Variants in ZNF676 observed in about 807,000 individuals in gnomAD.
ZNF676 encodes the protein zinc finger protein 676.
Under a neutral mutation model 6.0 loss-of-function variants are expected in ZNF676, and 4 were observed. That is an observed-to-expected ratio of 0.67 (90% CI 0.33 to 1.53). The LOEUF is 1.53. Ranked by LOEUF, ZNF676 falls within the 40% of genes most tolerant of loss-of-function variation. The pLI, the probability that ZNF676 is intolerant of heterozygous loss-of-function variation, is 0.06. For synonymous variants in ZNF676, 198 were observed against 223.1 expected, an observed-to-expected ratio of 0.89 and a Z score of 1.00; for missense variants, 644 against 679.7, an observed-to-expected ratio of 0.95 and a Z score of 0.58.
the ZNF676 span, among the ~76,000 whole-genome samples, chr19:22,256,314 A>G: frequency 1.3e-5 from 2 of 152,068 alleles, no homozygotes; most frequent in Non-Finnish European, 2.9e-5. Context: ...AGATTTGTAC[A>G]ATATTCCCCG....
At chr19:22,209,334 A>C (rs1289656081) in intron 1 of ZNF676, among the ~76,000 whole-genome samples, 1 of 152,286 alleles carries the variant, frequency 6.6e-6, no homozygotes, top group African/African-American at 2.4e-5. Flanking sequence ...CATTAAAAAA[A>C]AAAAAAAGAG....
chr19:22,245,030 T>C, the ZNF676 span: 1 of 152,186 alleles, frequency 6.6e-6, no homozygotes, highest in African/African-American at 2.4e-5. Context: ...GCAGGGCTCA[T>C]GAAAAGAGAG....
chr19:22,250,945 C>T, the ZNF676 span, among the ~76,000 whole-genome samples: 1 of 152,098 alleles, frequency 6.6e-6, no homozygotes, highest in South Asian at 2.1e-4. Flanking sequence ...CTTCTGACCT[C>T]AGGTGATCCA....
At chr19:22,242,845 G>T in the ZNF676 span, among the ~76,000 whole-genome samples, 127 of 124,788 alleles carry the variant, frequency 1.0e-3, no homozygotes, top group Non-Finnish European at 9.0e-4. Flanking sequence ...ACCCAAGTTG[G>T]GGGGGGGCTC....
chr19:22,213,981 T>A (rs1000187492), intron 1 of ZNF676, among the ~76,000 whole-genome samples: 6 of 152,178 alleles, frequency 3.9e-5, no homozygotes, highest in Admixed American at 1.3e-4. Context: ...AAAAAAACAT[T>A]TACAAACAGA....
intron 1 of ZNF676, among the ~76,000 whole-genome samples, chr19:22,211,643 G>A (rs2144823388): frequency 6.6e-6 from 1 of 152,138 alleles, no homozygotes; most frequent in Admixed American, 6.5e-5. Flanking sequence ...GAGGTACCTA[G>A]TTTCATCACA....
chr19:22,208,441 A>G (rs2024097387), intron 1 of ZNF676, among the ~76,000 whole-genome samples: 1 of 152,216 alleles, frequency 6.6e-6, no homozygotes, highest in Admixed American at 6.5e-5. Context: ...TTATAATTCA[A>G]CCATTGTGAA....
At chr19:22,181,692 A>T in intron 2 of ZNF676, 106 bp from the exon 3 acceptor site, 1 of 836,202 alleles carries the variant, frequency 1.2e-6, no homozygotes, top group Non-Finnish European at 1.8e-6. Flanking sequence ...GCAAGACGAC[A>T]TTGCAATATG....
At chr19:22,209,318 T>G (rs1419804399) in intron 1 of ZNF676, among the ~76,000 whole-genome samples, 2 of 147,896 alleles carry the variant, frequency 1.4e-5, no homozygotes, top group Non-Finnish European at 3.0e-5. Flanking sequence ...TGAAATACTG[T>G]GTGGCCATTA....
At chr19:22,233,651 G>A in the ZNF676 span, among the ~76,000 whole-genome samples, 1 of 152,234 alleles carries the variant, frequency 6.6e-6, no homozygotes, top group Non-Finnish European at 1.5e-5. Context: ...TCTCTCTGCT[G>A]CTGTAACATT....
At chr19:22,240,337 A>G in the ZNF676 span, among the ~76,000 whole-genome samples, 2 of 151,894 alleles carry the variant, frequency 1.3e-5, no homozygotes, top group African/African-American at 4.9e-5. Context: ...ATATGTCTCA[A>G]TGTCTTCCAT....
At position 22,181,518 on chromosome 19, in the gene ZNF676, T is replaced by A; in HGVS notation, c.199A>T (p.Ile67Leu). The change falls in exon 3 of 3, where the codon ATA becomes TTA. Residue 67 changes from isoleucine to leucine, a missense_variant. By Grantham distance (5) the Ile-to-Leu change is conservative. Coordinates refer to ENST00000397121, the MANE Select transcript of ZNF676 (RefSeq NM_001001411.3). Reference protein sequence around the residue: ...QGIEDSFQKMILRRYDKCGHE... With the variant: ...QGIEDSFQKMLLRRYDKCGHE... ...CCACATTTGTCATATCTTCTCAATA[T>A]CATTTTTTGGAAAGAATCTTCTATG... 6.2e-7 allele frequency: 1 copy of A among 1,611,624 alleles called. No individual in the cohort carries two copies. The highest frequency in any genetic ancestry group is 8.5e-7 in the Non-Finnish European group (1 of 1,179,066).
chr19:22,208,300 ATGTT>A (rs1289012632), intron 1 of ZNF676, among the ~76,000 whole-genome samples: 1 of 151,750 alleles, frequency 6.6e-6, no homozygotes, highest in African/African-American at 2.4e-5. Context: ...CATGAAAAAG[ATGTT>A]TGTCTTCAAA....
intron 1 of ZNF676, among the ~76,000 whole-genome samples, chr19:22,205,833 G>T (rs974634263): frequency 3.3e-5 from 5 of 151,942 alleles, no homozygotes; most frequent in African/African-American, 1.2e-4. Context: ...AGGAGATTTA[G>T]ACATGAAAAA....
chr19:22,255,526 C>A, the ZNF676 span, among the ~76,000 whole-genome samples: 1 of 152,152 alleles, frequency 6.6e-6, no homozygotes, highest in Non-Finnish European at 1.5e-5. Context: ...GGAGAGCCCT[C>A]ACTTTCCTAT....
the ZNF676 span, among the ~76,000 whole-genome samples, chr19:22,258,879 C>A: frequency 6.6e-6 from 1 of 152,222 alleles, no homozygotes; most frequent in Admixed American, 6.5e-5. Flanking sequence ...ACAATCACAG[C>A]TGCAGGGTGG....
chr19:22,243,176 T>C, the ZNF676 span: 1 of 151,920 alleles, frequency 6.6e-6, no homozygotes, highest in East Asian at 1.9e-4. Context: ...AAATAGTTGA[T>C]GGGTCTAGAG....
At chr19:22,202,159 A>AG (rs1452860222) in intron 1 of ZNF676, among the ~76,000 whole-genome samples, 4 of 152,158 alleles carry the variant, frequency 2.6e-5, no homozygotes, top group Non-Finnish European at 5.9e-5. Context: ...TTATAGCATG[A>AG]GGAGGGAGGG....
At chr19:22,192,732 C>CAAAA (rs1555774287) in intron 2 of ZNF676, among the ~76,000 whole-genome samples, 1 of 151,318 alleles carries the variant, frequency 6.6e-6, no homozygotes, top group African/African-American at 2.4e-5. Flanking sequence ...TCCACAAAAA[C>CAAAA]AAAAAAAAGT....
Sources: gnomAD v4.1 joint callset for allele counts (sites outside exome capture counted in the v4.1 genomes callset) on GRCh38, gnomAD v4.1.1 for gene constraint, MANE v1.5 for transcripts, NCBI Gene and HGNC (gene_info 2026-07-23, HGNC 2026-07-21) for gene names.